The following PTPRQ variants were observed in gnomAD, a reference collection of about 807,000 sequenced individuals.
PTPRQ encodes the protein phosphatidylinositol phosphatase PTPRQ.
Under a neutral mutation model 246.0 loss-of-function variants are expected in PTPRQ, and 199 were observed. The observed-to-expected ratio is 0.81, with a 90% CI of 0.72 to 0.91. PTPRQ has a LOEUF of 0.91. Ranked by LOEUF, PTPRQ falls within the 40% of genes least tolerant of loss-of-function variation. The pLI is 0.00. For missense variants in PTPRQ, 2,624 were observed against 2,528.4 expected, an observed-to-expected ratio of 1.04 and a Z score of -0.81; for synonymous variants, 869 against 853.2, an observed-to-expected ratio of 1.02 and a Z score of -0.32.
Position 80,549,619 on chromosome 12 carries a change from GTACACT to G in PTPRQ, c.4172_4177del (p.Tyr1391_Thr1392del). Reference sequence around the variant, plus strand: ...CAAAAGTTTCTCCCCAAGATCACATGTACACTTTCATAAAGCTTCTTGCCAATACCT... The same window carrying G: ...CAAAAGTTTCTCCCCAAGATCACATGTTCATAAAGCTTCTTGCCAATACCT... On this transcript the variant is annotated inframe_deletion, in exon 25 of 45. Transcript: ENST00000644991. 1 of 1,551,182 alleles carries G rather than the reference GTACACT, an allele frequency of 6.4e-7. No individual in the cohort carries two copies.
intron 25 of PTPRQ, among the ~76,000 whole-genome samples, chr12:80,562,560 T>G (rs1465784115): frequency 1.3e-5 from 2 of 152,108 alleles, no homozygotes; most frequent in Non-Finnish European, 2.9e-5. Context: ...TTAAAATACA[T>G]CAAACTGAAT....
At chr12:80,673,342 A>C in intron 43 of PTPRQ, 38 bp downstream of exon 43, 1 of 1,529,492 alleles carries the variant, frequency 6.5e-7, no homozygotes, top group Non-Finnish European at 8.8e-7. Flanking sequence ...CTAAAGTTCT[A>C]GAATTTCCAC....
chr12:80,444,395 C>A lies in PTPRQ; in HGVS notation c.50C>A (p.Thr17Lys). 1 of 1,457,524 alleles carries A rather than the reference C, an allele frequency of 6.9e-7. No individual in the cohort carries two copies. The highest frequency in any genetic ancestry group is 9.4e-7 in the Non-Finnish European group (1 of 1,065,382). 90.3% of individuals were successfully genotyped at this position (1,457,524 alleles called of 1,614,324 possible). ...TTACTTTTTATTGGGACTTCAGAGA[C>A]ACAGGTATTTCGTATACACTCTTTA... ...FLLLFIGTSE[T>K]QVDVSNVVPG... is the part of the protein sequence containing the mutation. Residue 17 changes from threonine to lysine, a missense_variant, in exon 1 of 45, where the codon ACA becomes AAA. Thr to Lys is a moderately conservative substitution (Grantham distance 78). Transcript: ENST00000644991.
At chr12:80,607,325 A>C (rs1330871613) in intron 27 of PTPRQ, among the ~76,000 whole-genome samples, 1 of 151,016 alleles carries the variant, frequency 6.6e-6, no homozygotes, top group African/African-American at 2.4e-5. Context: ...GCCAACATAA[A>C]TATAGCCTCA....
chr12:80,448,299 G>A (rs927708147), intron 3 of PTPRQ, among the ~76,000 whole-genome samples: 3 of 151,630 alleles, frequency 2.0e-5, no homozygotes, highest in Admixed American at 6.6e-5. Context: ...TTGAGTTGTC[G>A]TTAGAGTTTT....
chr12:80,647,155 C>T (rs1205104684), intron 35 of PTPRQ, among the ~76,000 whole-genome samples: 1 of 152,116 alleles, frequency 6.6e-6, no homozygotes, highest in African/African-American at 2.4e-5. Flanking sequence ...AATCTCTCTG[C>T]GATGGGTGGC....
intron 25 of PTPRQ, among the ~76,000 whole-genome samples, chr12:80,558,467 C>CTT (rs57046212): frequency 0.023 from 2,764 of 122,844 alleles, 81 homozygotes; most frequent in African/African-American, 0.056. Context: ...TGCACCTGGC[C>CTT]TTTTTTTTTT....
chr12:80,449,953 A>C (rs1750347006), intron 3 of PTPRQ, among the ~76,000 whole-genome samples: 1 of 152,286 alleles, frequency 6.6e-6, no homozygotes, highest in Middle Eastern at 3.4e-3. Context: ...TAGAATCTAT[A>C]AATTACCTTG....
At chr12:80,676,598 C>T (rs770406148) in intron 43 of PTPRQ, among the ~76,000 whole-genome samples, 14 of 152,084 alleles carry the variant, frequency 9.2e-5, no homozygotes, top group South Asian at 2.1e-4. Flanking sequence ...GCCAAGACTG[C>T]GCCATTGCAC....
At chr12:80,450,170 T>C (rs1892705953) in intron 3 of PTPRQ, among the ~76,000 whole-genome samples, 1 of 152,126 alleles carries the variant, frequency 6.6e-6, no homozygotes, top group Admixed American at 6.6e-5. Context: ...ATGATTTGGC[T>C]CTCTGTTTGT....
At chr12:80,529,682 T>A (rs769011329) in intron 17 of PTPRQ, among the ~76,000 whole-genome samples, 8 of 151,920 alleles carry the variant, frequency 5.3e-5, no homozygotes, top group Non-Finnish European at 8.8e-5. Context: ...GAAAAAAAAA[T>A]GTAAATTAAT....
intron 22 of PTPRQ, 140 bp downstream of exon 22, chr12:80,542,504 T>A (rs1896186272): frequency 7.4e-7 from 1 of 1,347,234 alleles, no homozygotes. Context: ...CTTTGTTGAT[T>A]TTTTTTTGCA....
chr12:80,571,157 CTA>C (rs1280988441), intron 25 of PTPRQ, among the ~76,000 whole-genome samples: 1 of 152,206 alleles, frequency 6.6e-6, no homozygotes, highest in Non-Finnish European at 1.5e-5. Context: ...AGCACTGAAT[CTA>C]TAAATTATGG....
intron 8 of PTPRQ, among the ~76,000 whole-genome samples, chr12:80,482,205 C>G (rs61950950): frequency 0.024 from 3,624 of 149,612 alleles, 39 homozygotes; most frequent in Middle Eastern, 0.066. Context: ...GAACAGAGCC[C>G]TCAGAAATAA....
rs372748019 is a variant in PTPRQ at position 80,594,446 on chromosome 12, G to A, written c.4609+5994G>A. On this transcript the variant is annotated intron_variant, in intron 26 of 44. Transcript: ENST00000644991. The stretch of plus-strand genomic sequence containing the variant: ...GGTTGCACTTCTGCAAAATTAGTTA[G>A]ATGCTGTTGAAAATCTTCTAAATTA... Among the ~76,000 whole-genome samples, 9 of 152,210 alleles carry A rather than the reference G, an allele frequency of 5.9e-5. 1 individual carries two copies. Among genetic ancestry groups the A allele is most frequent in the African/African-American group, 2.2e-4 (9 of 41,536 alleles).
At chr12:80,462,529 C>T (rs1179264458) in intron 6 of PTPRQ, 2 of 152,402 alleles carry the variant, frequency 1.3e-5, no homozygotes, top group Admixed American at 1.3e-4. Flanking sequence ...TCCCAGCACA[C>T]AGCTGGAGAT....
chr12:80,652,805 CA>C lies in PTPRQ; in HGVS notation c.6092del (p.Asn2031ThrfsTer6). On this transcript the variant is annotated frameshift_variant, in exon 38 of 45. Transcript: ENST00000644991. LOFTEE classifies it high-confidence loss of function. ...GATGCTGATCTGCCTTGGAATAGAG[CA>C]AAAAACCGCTTCCCAAACATAAAAC... ...STDADLPWNR[A>X]KNRFPNIKPY... 1.3e-6 allele frequency: 2 copies of C among 1,508,310 alleles called. No individual in the cohort carries two copies. The highest frequency in any genetic ancestry group is 2.6e-5 in the East Asian group (1 of 38,680). 93.4% of individuals were successfully genotyped at this position (1,508,310 alleles called of 1,614,324 possible). A position where few individuals can be genotyped will look rare whatever the true frequency, so the allele number is the denominator to read the frequency against.
At chr12:80,493,241 C>A (rs1894504885) in intron 9 of PTPRQ, 34 bp from the exon 10 acceptor site, 1 of 1,395,612 alleles carries the variant, frequency 7.2e-7, no homozygotes, top group Admixed American at 3.1e-5. Flanking sequence ...GTGTAACTGT[C>A]ACAGTCTTTT....
intron 8 of PTPRQ, among the ~76,000 whole-genome samples, chr12:80,480,700 C>A (rs915944963): frequency 6.6e-6 from 1 of 151,990 alleles, no homozygotes; most frequent in Non-Finnish European, 1.5e-5. Context: ...ATATCACCAC[C>A]GATCCCACAG....
Sources: allele counts gnomAD v4.1 joint callset (sites outside exome capture counted in the v4.1 genomes callset), GRCh38; gene constraint gnomAD v4.1.1; transcripts MANE v1.5; gene names NCBI Gene and HGNC (gene_info 2026-07-23, HGNC 2026-07-21).